MLLT3: variants seen among roughly 807,000 people sequenced by gnomAD.
MLLT3 encodes the protein MLLT3 super elongation complex subunit, also known as protein AF-9.
A neutral mutation model predicts 53.2 loss-of-function variants in MLLT3; 4 were observed. The ratio of observed to expected loss-of-function variants is 0.08; its 90% CI spans 0.04 to 0.17. The LOEUF is 0.17. Ranked by LOEUF, MLLT3 falls within the 10% of genes least tolerant of loss-of-function variation. The pLI, the probability that MLLT3 is intolerant of heterozygous loss-of-function variation, is 1.00. For missense variants in MLLT3, 569 were observed against 684.0 expected, an observed-to-expected ratio of 0.83 and a Z score of 1.87; for synonymous variants, 283 against 230.6, an observed-to-expected ratio of 1.23 and a Z score of -2.06.
intron 2 of MLLT3, among the ~76,000 whole-genome samples, chr9:20,462,048 C>T (rs1243296410): frequency 3.3e-5 from 5 of 152,190 alleles, no homozygotes; most frequent in African/African-American, 4.8e-5. Flanking sequence ...CCCATCTCTC[C>T]GCACCCAAAC....
At chr9:20,350,333 C>A (rs571357686) in intron 10 of MLLT3, among the ~76,000 whole-genome samples, 3 of 152,072 alleles carry the variant, frequency 2.0e-5, no homozygotes, top group Non-Finnish European at 2.9e-5. Flanking sequence ...CGGTGGCTCA[C>A]GCCTGTAATC....
intron 3 of MLLT3, among the ~76,000 whole-genome samples, chr9:20,451,987 C>G (rs1435898951): frequency 6.6e-6 from 1 of 152,160 alleles, no homozygotes; most frequent in Non-Finnish European, 1.5e-5. Context: ...TCTACCACCC[C>G]TCTTGACCCT....
At chr9:20,409,105 C>T (rs896151126) in intron 5 of MLLT3, among the ~76,000 whole-genome samples, 5 of 152,110 alleles carry the variant, frequency 3.3e-5, no homozygotes, top group African/African-American at 9.7e-5. Context: ...TAACATTTTG[C>T]CAAATGTAAT....
intron 2 of MLLT3, among the ~76,000 whole-genome samples, chr9:20,564,270 A>G (rs1230165407): frequency 2.0e-5 from 3 of 152,112 alleles, no homozygotes; most frequent in Non-Finnish European, 2.9e-5. Context: ...CATCATATCA[A>G]TCAGAAGCAG....
intron 4 of MLLT3, among the ~76,000 whole-genome samples, chr9:20,420,225 G>A (rs1409452480): frequency 1.3e-5 from 2 of 152,082 alleles, no homozygotes; most frequent in Non-Finnish European, 2.9e-5. Context: ...TATGAATAAT[G>A]AACAAGGTGA....
At chr9:20,541,183 C>A (rs1818620814) in intron 2 of MLLT3, among the ~76,000 whole-genome samples, 1 of 152,308 alleles carries the variant, frequency 6.6e-6, no homozygotes, top group Admixed American at 6.5e-5. Flanking sequence ...ATATCACTAT[C>A]AACATTTTTG....
rs145070863 is a variant in MLLT3 at position 20,368,196 on chromosome 9, G to C, written c.1126-2452C>G. On this transcript the variant is annotated intron_variant, in intron 5 of 10. Coordinates refer to ENST00000380338, the MANE Select transcript of MLLT3 (RefSeq NM_004529.4). ...AGGTACTCTTCATTTCTGTTGAGTG[G>C]CTCTTCTACTGTTGAGCCCCAATGG... Among the ~76,000 whole-genome samples, 336 of 152,272 alleles carry C rather than the reference G, an allele frequency of 2.2e-3. 2 individuals carry two copies. Among genetic ancestry groups the C allele is most frequent in the African/African-American group, 7.8e-3 (324 of 41,564 alleles).
chr9:20,427,978 G>A (rs549054677), intron 4 of MLLT3, among the ~76,000 whole-genome samples: 15 of 152,126 alleles, frequency 9.9e-5, no homozygotes, highest in Admixed American at 9.2e-4. Flanking sequence ...TCTCTCTGTT[G>A]CATAGGATGG....
At position 20,393,589 on chromosome 9, in the gene MLLT3, C is replaced by T. The variant is rs12337002; in HGVS notation, c.1125+20132G>A. On this transcript the variant is annotated intron_variant, in intron 5 of 10. Coordinates refer to ENST00000380338, the MANE Select transcript of MLLT3 (RefSeq NM_004529.4). ...ATACAGGTCTGAATGTTTTAGGTTA[C>T]ATGCTATGAAAAGGTCAGTGCCTGA... Among the ~76,000 whole-genome samples, 279 of 152,288 alleles carry T rather than the reference C, an allele frequency of 1.8e-3. 5 individuals carry two copies. The highest frequency in any genetic ancestry group is 6.8e-3 in the Middle Eastern group (2 of 294).
At chr9:20,521,571 C>T (rs184615646) in intron 2 of MLLT3, among the ~76,000 whole-genome samples, 4 of 152,056 alleles carry the variant, frequency 2.6e-5, no homozygotes, top group Admixed American at 1.3e-4. Context: ...CAAACTCAAG[C>T]CTCTATGGTG....
At chr9:20,569,972 C>T (rs949512416) in intron 2 of MLLT3, among the ~76,000 whole-genome samples, 1 of 152,100 alleles carries the variant, frequency 6.6e-6, no homozygotes, top group Non-Finnish European at 1.5e-5. Flanking sequence ...CCCAGCTGGC[C>T]CAAACTACAT....
intron 2 of MLLT3, among the ~76,000 whole-genome samples, chr9:20,578,304 T>C (rs748061972): frequency 2.6e-5 from 4 of 152,188 alleles, no homozygotes; most frequent in Admixed American, 2.0e-4. Flanking sequence ...TGAATCACTC[T>C]GAACTAACAT....
At chr9:20,540,735 G>C (rs983867083) in intron 2 of MLLT3, among the ~76,000 whole-genome samples, 12 of 152,188 alleles carry the variant, frequency 7.9e-5, no homozygotes, top group Non-Finnish European at 1.5e-4. Flanking sequence ...TATAACCCTG[G>C]GGGCATTTTC....
intron 2 of MLLT3, among the ~76,000 whole-genome samples, chr9:20,613,299 T>C (rs577233778): frequency 6.6e-6 from 1 of 152,232 alleles, no homozygotes; most frequent in South Asian, 2.1e-4. Flanking sequence ...GAATTATATC[T>C]CAATTGTAAA....
chr9:20,518,021 A>C (rs946757148), intron 2 of MLLT3, among the ~76,000 whole-genome samples: 2 of 152,292 alleles, frequency 1.3e-5, no homozygotes, highest in African/African-American at 4.8e-5. Flanking sequence ...ATAAATATTC[A>C]TGAAGCATAG....
chr9:20,420,486 G>C (rs1005567919), intron 4 of MLLT3, among the ~76,000 whole-genome samples: 1 of 152,140 alleles, frequency 6.6e-6, no homozygotes, highest in Non-Finnish European at 1.5e-5. Context: ...TCAACGTTGA[G>C]AGTACCAAAT....
chr9:20,571,491 G>T (rs190693908), intron 2 of MLLT3, among the ~76,000 whole-genome samples: 1 of 152,158 alleles, frequency 6.6e-6, no homozygotes, highest in Non-Finnish European at 1.5e-5. Context: ...TGCAGAACAT[G>T]CAGGTTTGTT....
chr9:20,352,916 A>G (rs1348656729), intron 10 of MLLT3, among the ~76,000 whole-genome samples: 2 of 152,176 alleles, frequency 1.3e-5, no homozygotes, highest in Admixed American at 6.5e-5. Flanking sequence ...AGAGGCATAC[A>G]TCATTAACTG....
intron 2 of MLLT3, among the ~76,000 whole-genome samples, chr9:20,482,810 A>G (rs1824697905): frequency 6.6e-6 from 1 of 152,236 alleles, no homozygotes; most frequent in African/African-American, 2.4e-5. Context: ...AATCTCTCCC[A>G]TTAGAGGGAA....
Sources: gnomAD v4.1 joint callset for allele counts (sites outside exome capture counted in the v4.1 genomes callset) on GRCh38, gnomAD v4.1.1 for gene constraint, MANE v1.5 for transcripts, NCBI Gene and HGNC (gene_info 2026-07-23, HGNC 2026-07-21) for gene names.